CORIN: variants seen among roughly 807,000 people sequenced by gnomAD.
The protein encoded by CORIN is corin, serine peptidase, also known as atrial natriuretic peptide-converting enzyme.
A neutral mutation model predicts 125.3 loss-of-function variants in CORIN; 117 were observed. The observed-to-expected ratio is 0.93, with a 90% CI of 0.80 to 1.09. CORIN has a LOEUF of 1.09. Ranked by LOEUF, CORIN falls within the 50% of genes least tolerant of loss-of-function variation. The probability of loss-of-function intolerance (pLI) is 0.00; values close to 1 mark genes in which losing one functional copy is unlikely to be tolerated. For synonymous variants in CORIN, 450 were observed against 466.4 expected (o/e 0.96, Z 0.45); for missense variants, 1,253 against 1,306.7 (o/e 0.96, Z 0.63).
chr4:47,662,489 G>A (rs986719562), intron 11 of CORIN, among the ~76,000 whole-genome samples: 1 of 152,108 alleles, frequency 6.6e-6, no homozygotes, highest in Non-Finnish European at 1.5e-5. Context: ...TGCGTATTAT[G>A]TCTTTTGTCT....
At chr4:47,598,663 A>G (rs1421905614) in intron 21 of CORIN, among the ~76,000 whole-genome samples, 1 of 152,128 alleles carries the variant, frequency 6.6e-6, no homozygotes, top group Non-Finnish European at 1.5e-5. Flanking sequence ...TGCCAGACTG[A>G]CTGGTTTCAT....
chr4:47,757,737 G>A (rs1729218294), intron 4 of CORIN, among the ~76,000 whole-genome samples: 1 of 151,092 alleles, frequency 6.6e-6, no homozygotes, highest in East Asian at 1.9e-4. Flanking sequence ...CAGGTCAGGG[G>A]AAAAGGAAAT....
In CORIN at chr4:47,764,263, C is replaced by T. The variant is rs370803496; in HGVS notation, c.410-677G>A. ...ACAATTATGCAAAGATTTGTAATCC[C>T]GCCTATGTCAACAGTTCAGGAGCAG... On this transcript the variant is annotated intron_variant, in intron 3 of 21. Transcript: ENST00000273857. Among the ~76,000 whole-genome samples the T allele has an allele frequency of 3.9e-5, 6 of 152,224 alleles. No homozygotes were observed. In the South Asian group the frequency reaches 8.3e-4, roughly 21 times the overall value.
intron 12 of CORIN, among the ~76,000 whole-genome samples, chr4:47,655,840 C>A: frequency 7.3e-6 from 1 of 137,668 alleles, no homozygotes; most frequent in Admixed American, 7.6e-5. Flanking sequence ...ACTTAAAAGT[C>A]TTTCAGCAGA....
chr4:47,799,143 G>A (rs113335214), intron 2 of CORIN, among the ~76,000 whole-genome samples: 1,920 of 151,140 alleles, frequency 0.013, 18 homozygotes, highest in Non-Finnish European at 0.02. Context: ...GTGTGTGTGT[G>A]TGTATGTCTC....
intron 4 of CORIN, among the ~76,000 whole-genome samples, chr4:47,749,669 C>T (rs1321165509): frequency 6.6e-6 from 1 of 152,172 alleles, no homozygotes; most frequent in Non-Finnish European, 1.5e-5. Flanking sequence ...TGGTAGTTTG[C>T]AATATATAAC....
intron 20 of CORIN, among the ~76,000 whole-genome samples, chr4:47,603,163 A>G (rs1721512384): frequency 6.6e-6 from 1 of 152,056 alleles, no homozygotes; most frequent in East Asian, 1.9e-4. Flanking sequence ...GTGAGTTCTC[A>G]CGAGGTCTGA....
intron 5 of CORIN, among the ~76,000 whole-genome samples, chr4:47,718,713 C>A (rs1199391909): frequency 6.6e-6 from 1 of 152,184 alleles, no homozygotes; most frequent in Non-Finnish European, 1.5e-5. Context: ...CAACTCCCTT[C>A]CAATTCTGAA....
At chr4:47,677,896 C>T (rs372766976) in intron 9 of CORIN, 42 bp downstream of exon 9, 1 of 1,350,894 alleles carries the variant, frequency 7.4e-7, no homozygotes, top group Non-Finnish European at 1.1e-6. Flanking sequence ...AAGGAGAGGA[C>T]CACCAGTAAA....
chr4:47,605,279 A>T (rs10000636), intron 19 of CORIN, among the ~76,000 whole-genome samples: 95,876 of 152,024 alleles, frequency 0.63, 31,280 homozygotes, highest in African/African-American at 0.79. Context: ...TATAGTTATC[A>T]CTGTGAAGGC....
chr4:47,761,831 A>G (rs1729474747), intron 4 of CORIN, among the ~76,000 whole-genome samples: 1 of 152,094 alleles, frequency 6.6e-6, no homozygotes, highest in African/African-American at 2.4e-5. Context: ...GTTATTGATA[A>G]CATATTGTAT....
chr4:47,837,171 T>G (rs1733476893), intron 1 of CORIN, among the ~76,000 whole-genome samples: 1 of 152,156 alleles, frequency 6.6e-6, no homozygotes, highest in South Asian at 2.1e-4. Flanking sequence ...CTCCTGTGCC[T>G]AGGCAGGTTC....
intron 4 of CORIN, among the ~76,000 whole-genome samples, chr4:47,747,751 T>C (rs971679432): frequency 6.6e-6 from 1 of 152,220 alleles, no homozygotes; most frequent in Admixed American, 6.5e-5. Context: ...CTGTTGAATC[T>C]TGGGCAATAG....
At chr4:47,645,387 G>A (rs184321889) in intron 13 of CORIN, among the ~76,000 whole-genome samples, 193 bp from the exon 14 acceptor site, 1 of 146,936 alleles carries the variant, frequency 6.8e-6, no homozygotes, top group East Asian at 2.0e-4. Flanking sequence ...GGAGGCGGAG[G>A]TTGCAGTGAG....
At chr4:47,667,371 C>T (rs898267828) in intron 10 of CORIN, among the ~76,000 whole-genome samples, 13 of 152,190 alleles carry the variant, frequency 8.5e-5, no homozygotes, top group Non-Finnish European at 1.8e-4. Flanking sequence ...AGCAGAGAGG[C>T]TCCCAGCTCC....
chr4:47,735,792 C>G (rs1285088138), intron 5 of CORIN, among the ~76,000 whole-genome samples: 1 of 151,762 alleles, frequency 6.6e-6, no homozygotes, highest in Non-Finnish European at 1.5e-5. Flanking sequence ...TGGTGGTGGG[C>G]ACCTGTAGTC....
At chr4:47,609,973 A>G (rs1295661707) in intron 19 of CORIN, among the ~76,000 whole-genome samples, 1 of 152,186 alleles carries the variant, frequency 6.6e-6, no homozygotes. Context: ...CATGGTGTAT[A>G]TGTACCACAT....
intron 1 of CORIN, among the ~76,000 whole-genome samples, chr4:47,812,988 T>C (rs1309261946): frequency 1.3e-5 from 2 of 152,204 alleles, no homozygotes; most frequent in Non-Finnish European, 2.9e-5. Context: ...CATACTAATA[T>C]GATGTGTACA....
At chr4:47,677,553 T>C (rs1486290755) in intron 9 of CORIN, among the ~76,000 whole-genome samples, 5 of 152,212 alleles carry the variant, frequency 3.3e-5, no homozygotes, top group Admixed American at 1.3e-4. Flanking sequence ...TTAAACTGCT[T>C]CTCTGAACAT....
Sources: allele counts gnomAD v4.1 joint callset (sites outside exome capture counted in the v4.1 genomes callset), GRCh38; gene constraint gnomAD v4.1.1; transcripts MANE v1.5; gene names NCBI Gene and HGNC (gene_info 2026-07-23, HGNC 2026-07-21).